The following RGS6 variants were observed in gnomAD, a reference collection of about 807,000 sequenced individuals.
The protein encoded by RGS6 is regulator of G protein signaling 6.
In RGS6, 30 loss-of-function variants were observed where a neutral mutation model predicts 78.5. The ratio of observed to expected loss-of-function variants is 0.38; its 90% CI spans 0.29 to 0.52. RGS6 has a LOEUF of 0.52. Among genes scored for constraint, RGS6 ranks in the 20% least tolerant of loss-of-function variants. The pLI is 0.85. For missense variants in RGS6, 495 were observed against 609.7 expected (o/e 0.81, Z 1.98); for synonymous variants, 206 against 206.0 (o/e 1.00, Z 0.00).
intron 4 of RGS6, among the ~76,000 whole-genome samples, chr14:72,454,967 C>T (rs1391528720): frequency 6.6e-6 from 1 of 152,110 alleles, no homozygotes; most frequent in African/African-American, 2.4e-5. Flanking sequence ...GCTAAGACTC[C>T]CTCTGTTTTC....
intron 2 of RGS6, among the ~76,000 whole-genome samples, chr14:71,978,884 A>C (rs975740545): frequency 1.4e-5 from 2 of 145,330 alleles, no homozygotes; most frequent in African/African-American, 5.0e-5. Context: ...CTGTGAATCC[A>C]TCTGGTCCTG....
At chr14:72,623,375 A>G in the RGS6 span, among the ~76,000 whole-genome samples, 1 of 152,258 alleles carries the variant, frequency 6.6e-6, no homozygotes. Flanking sequence ...AATTGGTAGC[A>G]TAACCACACA....
At chr14:71,988,580 G>A (rs1319657464) in intron 2 of RGS6, among the ~76,000 whole-genome samples, 8 of 151,804 alleles carry the variant, frequency 5.3e-5, no homozygotes, top group Non-Finnish European at 8.8e-5. Flanking sequence ...GAGCTACCAC[G>A]GAGGAGTTGA....
chr14:72,347,335 A>G (rs1225203887), intron 2 of RGS6, among the ~76,000 whole-genome samples: 1 of 152,184 alleles, frequency 6.6e-6, no homozygotes, highest in Non-Finnish European at 1.5e-5. Flanking sequence ...ATCCCATGGG[A>G]CAAAGGGAGA....
chr14:72,111,958 A>G (rs1430682798), intron 2 of RGS6, among the ~76,000 whole-genome samples: 2 of 152,134 alleles, frequency 1.3e-5, no homozygotes, highest in Non-Finnish European at 1.5e-5. Context: ...TCTACTGCCA[A>G]TTTATCGGTT....
At chr14:72,168,238 G>C (rs1271999727) in intron 2 of RGS6, among the ~76,000 whole-genome samples, 3 of 152,120 alleles carry the variant, frequency 2.0e-5, no homozygotes, top group Admixed American at 1.3e-4. Context: ...AGGTGACCCA[G>C]CCTACATGTC....
intron 2 of RGS6, among the ~76,000 whole-genome samples, chr14:72,054,297 A>T (rs929168882): frequency 2.0e-5 from 3 of 152,154 alleles, no homozygotes; most frequent in African/African-American, 7.2e-5. Context: ...TCCTTCTTTC[A>T]TAACAGTTCG....
chr14:72,507,704 G>A (rs557964861), intron 13 of RGS6, among the ~76,000 whole-genome samples: 7 of 152,208 alleles, frequency 4.6e-5, no homozygotes, highest in African/African-American at 1.2e-4. Context: ...GGTGACACTG[G>A]TGGTGGGTGT....
chr14:72,550,128 T>C (rs1317648026), intron 17 of RGS6, among the ~76,000 whole-genome samples: 2 of 103,390 alleles, frequency 1.9e-5, no homozygotes, highest in Non-Finnish European at 3.5e-5. Context: ...GTGACTTTTT[T>C]CCTCTCCATC....
At chr14:72,502,602 A>T (rs929152711) in intron 13 of RGS6, among the ~76,000 whole-genome samples, 2 of 152,150 alleles carry the variant, frequency 1.3e-5, no homozygotes, top group South Asian at 4.1e-4. Flanking sequence ...CGTCTCTACT[A>T]AAAATACAAA....
chr14:71,913,745 C>G, the RGS6 span, among the ~76,000 whole-genome samples: 1 of 152,336 alleles, frequency 6.6e-6, no homozygotes, highest in African/African-American at 2.4e-5. Context: ...CTTTGGTCAT[C>G]TGAGGATCAC....
intron 17 of RGS6, among the ~76,000 whole-genome samples, chr14:72,551,507 C>T (rs2097506384): frequency 6.6e-6 from 1 of 152,306 alleles, no homozygotes; most frequent in Non-Finnish European, 1.5e-5. Context: ...GTGGCAGGGA[C>T]ATTTCCCCCA....
At chr14:72,188,892 A>C (rs1452515189) in intron 2 of RGS6, among the ~76,000 whole-genome samples, 1 of 152,226 alleles carries the variant, frequency 6.6e-6, no homozygotes, top group Non-Finnish European at 1.5e-5. Flanking sequence ...CAGAGCAGAG[A>C]AATTTATTAT....
intron 2 of RGS6, among the ~76,000 whole-genome samples, chr14:72,185,164 T>C (rs1299887458): frequency 6.6e-6 from 1 of 152,106 alleles, no homozygotes; most frequent in Non-Finnish European, 1.5e-5. Context: ...AGTCTAGTCC[T>C]TCCATGTTCT....
the RGS6 span, among the ~76,000 whole-genome samples, chr14:71,901,568 C>G: frequency 3.3e-5 from 5 of 152,198 alleles, no homozygotes; most frequent in African/African-American, 9.6e-5. Flanking sequence ...ATTAACTAAG[C>G]TTTTTTAGAG....
intron 2 of RGS6, among the ~76,000 whole-genome samples, chr14:72,186,630 C>G (rs1050698349): frequency 2.0e-5 from 3 of 152,074 alleles, no homozygotes; most frequent in African/African-American, 7.2e-5. Flanking sequence ...TGACCTGATT[C>G]TAACCCTCCT....
chr14:72,463,596 ACT>A (rs1366045761), intron 6 of RGS6, among the ~76,000 whole-genome samples: 1 of 152,156 alleles, frequency 6.6e-6, no homozygotes, highest in Non-Finnish European at 1.5e-5. Flanking sequence ...TCTTGGGATG[ACT>A]CTGCCTGCAT....
intron 2 of RGS6, among the ~76,000 whole-genome samples, chr14:72,214,113 G>T (rs1599652100): frequency 6.6e-6 from 1 of 151,602 alleles, no homozygotes; most frequent in Non-Finnish European, 1.5e-5. Context: ...AACTCATTTG[G>T]ATAGAGTATA....
intron 17 of RGS6, chr14:72,550,511 T>G: frequency 6.5e-7 from 1 of 1,535,690 alleles, no homozygotes; most frequent in Non-Finnish European, 8.7e-7. Context: ...CATAGCACAT[T>G]ACACTGGGAA....
Sources: allele counts gnomAD v4.1 joint callset (sites outside exome capture counted in the v4.1 genomes callset), GRCh38; gene constraint gnomAD v4.1.1; transcripts MANE v1.5; gene names NCBI Gene and HGNC (gene_info 2026-07-23, HGNC 2026-07-21).